PRSS3: variants seen among roughly 807,000 people sequenced by gnomAD.
PRSS3 encodes the protein serine protease 3, also known as trypsin-3.
PRSS3 carries 14 observed loss-of-function variants against 20.8 expected under a neutral mutation model. That is an observed-to-expected ratio of 0.67 (90% CI 0.44 to 1.05). The LOEUF (loss-of-function observed/expected upper bound fraction) is 1.05, where lower values mean the gene tolerates loss of function less well. Among genes scored for constraint, PRSS3 ranks in the 50% least tolerant of loss-of-function variants. The pLI, the probability that PRSS3 is intolerant of heterozygous loss-of-function variation, is 0.00. For missense variants in PRSS3, 237 were observed against 306.4 expected, an observed-to-expected ratio of 0.77 and a Z score of 1.69; for synonymous variants, 91 against 117.6, an observed-to-expected ratio of 0.77 and a Z score of 1.46.
At chr9:33,778,811 G>T (rs1824051819) in intron 1 of PRSS3, among the ~76,000 whole-genome samples, 1 of 152,120 alleles carries the variant, frequency 6.6e-6, no homozygotes, top group Non-Finnish European at 1.5e-5. Context: ...ACAAGTCCTA[G>T]GAGCAAACCT....
chr9:33,790,016 T>G (rs1220326582), intron 1 of PRSS3, among the ~76,000 whole-genome samples: 1 of 152,192 alleles, frequency 6.6e-6, no homozygotes, highest in African/African-American at 2.4e-5. Context: ...AGAGACAAAA[T>G]ATGCAATTAG....
In PRSS3 at chr9:33,781,214, A is replaced by G. The variant is rs146253105; in HGVS notation, c.-52-13532A>G. On this transcript the variant is annotated intron_variant, in intron 1 of 5. Transcript: ENST00000342836. ...TTATATATCCAAAGGAAACTAGATC[A>G]TTATACCAAAATGCACTCATATGTT... is the stretch of plus-strand genomic sequence containing the variant. Among the ~76,000 whole-genome samples the G allele has an allele frequency of 5.2e-3, 794 of 152,360 alleles. 6 individuals carry two copies. The highest frequency in any genetic ancestry group is 0.018 in the African/African-American group (769 of 41,586).
At chr9:33,778,026 G>A (rs1272057362) in intron 1 of PRSS3, among the ~76,000 whole-genome samples, 2 of 121,314 alleles carry the variant, frequency 1.6e-5, no homozygotes, top group Non-Finnish European at 3.5e-5. Flanking sequence ...GTCTATTCTA[G>A]GAGCCAGTTT....
chr9:33,784,664 A>C lies in PRSS3; in HGVS notation c.-52-10082A>C, dbSNP rs115975438. 8.2e-3 allele frequency among the ~76,000 whole-genome samples: 1,253 copies of C among 152,346 alleles called. 14 individuals carry two copies. Among genetic ancestry groups the C allele is most frequent in the African/African-American group, 0.028 (1,152 of 41,576 alleles). ...AGAGTAACAACTAGGTATTTAATAG[A>C]ACATCGTATAATAGAGAGAATCTCA... On this transcript the variant is annotated intron_variant, in intron 1 of 5. Coordinates refer to the PRSS3 transcript ENST00000342836.
chr9:33,781,444 C>T (rs951733366), intron 1 of PRSS3, among the ~76,000 whole-genome samples: 7 of 152,198 alleles, frequency 4.6e-5, no homozygotes, highest in African/African-American at 1.7e-4. Context: ...CCAAATACTA[C>T]ATGTTCTCAC....
rs1823525753 is a variant in PRSS3, at chr9:33,768,148, GA to G, written c.-53+17425del. ...TGGAAGAGTTTGGAGGTGCATGTTG[GA>G]AAAGGCCTAAATTGCCTTAAAGAGA... On this transcript the variant is annotated intron_variant, in intron 1 of 5. Transcript: ENST00000342836. 1.3e-5 allele frequency among the ~76,000 whole-genome samples: 2 copies of G among 152,190 alleles called. 1 individual carries two copies. The highest frequency in any genetic ancestry group is 4.8e-5 in the African/African-American group (2 of 41,440).
At chr9:33,779,527 G>T (rs187741274) in intron 1 of PRSS3, among the ~76,000 whole-genome samples, 370 of 152,258 alleles carry the variant, frequency 2.4e-3, no homozygotes, top group Admixed American at 4.0e-3. Flanking sequence ...TTGAAGATCA[G>T]TTCTTTGAAT....
At chr9:33,781,750 T>C (rs1382241071) in intron 1 of PRSS3, among the ~76,000 whole-genome samples, 3 of 152,236 alleles carry the variant, frequency 2.0e-5, no homozygotes, top group Non-Finnish European at 4.4e-5. Flanking sequence ...GTTTTTGTTT[T>C]CTAAGAAACT....
At chr9:33,794,931 A>C, upstream of PRSS3, 1 of 1,536,602 alleles carries the variant, frequency 6.5e-7, no homozygotes, top group Non-Finnish European at 8.8e-7. Context: ...CATCCTTTTA[A>C]GCCTTGGTAG....
chr9:33,764,468 G>T (rs1291397138), intron 1 of PRSS3, among the ~76,000 whole-genome samples: 1 of 152,198 alleles, frequency 6.6e-6, no homozygotes, highest in Non-Finnish European at 1.5e-5. Flanking sequence ...AGGAGGCGAA[G>T]GTTGCAGTGA....
intron 1 of PRSS3, among the ~76,000 whole-genome samples, chr9:33,758,952 T>G (rs1368311845): frequency 6.6e-6 from 1 of 152,242 alleles, no homozygotes; most frequent in African/African-American, 2.4e-5. Context: ...TGTCACTATA[T>G]AATTTTAATA....
chr9:33,798,771 T>A, intron 4 of PRSS3, 149 bp downstream of exon 4: 3 of 1,319,424 alleles, frequency 2.3e-6, no homozygotes, highest in Non-Finnish European at 3.2e-6. Flanking sequence ...CTGAGGCGGC[T>A]CCCTGCATTG....
intron 1 of PRSS3, among the ~76,000 whole-genome samples, chr9:33,756,715 G>A (rs577747471): frequency 1.8e-4 from 28 of 152,188 alleles, no homozygotes; most frequent in African/African-American, 5.8e-4. Context: ...CTTCTAAATG[G>A]TTTTTACAGT....
At chr9:33,773,295 C>G (rs1481573122) in intron 1 of PRSS3, among the ~76,000 whole-genome samples, 1 of 152,158 alleles carries the variant, frequency 6.6e-6, no homozygotes, top group Non-Finnish European at 1.5e-5. Flanking sequence ...TAAAAAGGAA[C>G]AGTTGCCCAA....
intron 1 of PRSS3, among the ~76,000 whole-genome samples, chr9:33,787,000 T>TA (rs1272079076): frequency 6.6e-6 from 1 of 152,098 alleles, no homozygotes; most frequent in Non-Finnish European, 1.5e-5. Flanking sequence ...TATGAATGGA[T>TA]AGACTGGGGA....
chr9:33,786,462 T>C, intron 1 of PRSS3: 3 of 715,674 alleles, frequency 4.2e-6, no homozygotes, highest in Non-Finnish European at 7.6e-6. Flanking sequence ...ATTGGAGAGA[T>C]AAAGCAGAGA....
At chr9:33,786,126 A>G (rs2119028526) in intron 1 of PRSS3, 1 of 351,350 alleles carries the variant, frequency 2.8e-6, no homozygotes, top group Middle Eastern at 7.3e-4. Flanking sequence ...AGAGGAGAGA[A>G]ACAGAGCGGG....
chr9:33,763,811 G>A (rs1007493881), intron 1 of PRSS3, among the ~76,000 whole-genome samples: 2 of 151,764 alleles, frequency 1.3e-5, no homozygotes, highest in African/African-American at 2.4e-5. Context: ...CTCAGCCTTT[G>A]CATGTGTTAT....
At chr9:33,753,580 T>C (rs1424795462) in intron 1 of PRSS3, among the ~76,000 whole-genome samples, 1 of 152,246 alleles carries the variant, frequency 6.6e-6, no homozygotes, top group Non-Finnish European at 1.5e-5. Flanking sequence ...GAAATGCCTA[T>C]GTACCTTCTG....
Sources: gnomAD v4.1 joint callset for allele counts (sites outside exome capture counted in the v4.1 genomes callset) on GRCh38, gnomAD v4.1.1 for gene constraint, MANE v1.5 for transcripts, NCBI Gene and HGNC (gene_info 2026-07-23, HGNC 2026-07-21) for gene names.